The following LUC7L2 variants were observed in gnomAD, a reference collection of about 807,000 sequenced individuals.
The protein encoded by LUC7L2 is putative RNA-binding protein Luc7-like 2.
In LUC7L2, 25 loss-of-function variants were observed where a neutral mutation model predicts 52.8. The ratio of observed to expected loss-of-function variants is 0.47; its 90% confidence interval spans 0.34 to 0.66. The LOEUF is 0.66. LUC7L2 is among the 30% of genes least tolerant of loss of function. LUC7L2 has a pLI of 0.01. For missense variants in LUC7L2, 328 were observed against 497.8 expected, an observed-to-expected ratio of 0.66 and a Z score of 3.25; for synonymous variants, 144 against 160.9, an observed-to-expected ratio of 0.89 and a Z score of 0.80.
intron 9 of LUC7L2, among the ~76,000 whole-genome samples, chr7:139,419,129 AC>A (rs1795764887): frequency 2.6e-5 from 3 of 116,394 alleles, no homozygotes; most frequent in Admixed American, 2.3e-4. Context: ...AAAAAAACAA[AC>A]AAAAAAAAAA....
chr7:139,401,217 A>G (rs941240162), intron 3 of LUC7L2, among the ~76,000 whole-genome samples: 14 of 65,760 alleles, frequency 2.1e-4, no homozygotes, highest in African/African-American at 8.3e-4. Flanking sequence ...TCTTGTCTCA[A>G]AAAAAAAAAT....
intron 1 of LUC7L2, among the ~76,000 whole-genome samples, chr7:139,342,017 T>C (rs1214464047): frequency 6.6e-6 from 1 of 152,214 alleles, no homozygotes. Context: ...GGAAACTTGC[T>C]GCCCTTGAGC....
chr7:139,373,342 A>G (rs1306507067), intron 1 of LUC7L2, among the ~76,000 whole-genome samples: 3 of 152,168 alleles, frequency 2.0e-5, no homozygotes, highest in African/African-American at 4.8e-5. Context: ...GTCAGTTGCT[A>G]TTCTCTCTCA....
At chr7:139,353,662 A>G (rs1212697636) in intron 1 of LUC7L2, among the ~76,000 whole-genome samples, 1 of 151,956 alleles carries the variant, frequency 6.6e-6, no homozygotes, top group Non-Finnish European at 1.5e-5. Context: ...GCGTGGTGGC[A>G]GGCTCCTGTA....
chr7:139,342,598 G>C (rs1005255642), intron 1 of LUC7L2, among the ~76,000 whole-genome samples: 4 of 152,168 alleles, frequency 2.6e-5, no homozygotes, highest in African/African-American at 7.2e-5. Flanking sequence ...GAGTAGTACA[G>C]GCAGGCGACA....
At chr7:139,398,819 A>G in intron 3 of LUC7L2, 122 bp downstream of exon 3, 3 of 778,218 alleles carry the variant, frequency 3.9e-6, no homozygotes, top group African/African-American at 1.8e-5. Context: ...ATGAAGGGTA[A>G]GACTCAAGTA....
At chr7:139,360,641 T>A (rs1799828681) in intron 1 of LUC7L2, among the ~76,000 whole-genome samples, 1 of 151,998 alleles carries the variant, frequency 6.6e-6, no homozygotes, top group Admixed American at 6.5e-5. Flanking sequence ...GGGGGCCCGT[T>A]TTGTCGCTGG....
chr7:139,341,591 G>A lies in LUC7L2; in HGVS notation c.-26+1074G>A, dbSNP rs913537995. The A allele has an allele frequency of 1.9e-6, 3 of 1,565,424 alleles. No individual in the cohort carries two copies. The African/African-American group carries it at 4.1e-5, about 21-fold the overall frequency. ...GGAAGAGCCGGGTCTGGGCTAGGGTGGGGAGCACGGTGTTTAATTCCTGCA... is the reference window on the plus strand; with the variant it reads ...GGAAGAGCCGGGTCTGGGCTAGGGTAGGGAGCACGGTGTTTAATTCCTGCA... On this transcript the variant is annotated intron_variant, in intron 1 of 10. Transcript: ENST00000541170.
At chr7:139,391,460 A>G (rs1046533474) in intron 2 of LUC7L2, among the ~76,000 whole-genome samples, 3 of 152,224 alleles carry the variant, frequency 2.0e-5, no homozygotes, top group Non-Finnish European at 4.4e-5. Context: ...ATTAATTTAC[A>G]CTTAGCAGTA....
intron 9 of LUC7L2, among the ~76,000 whole-genome samples, chr7:139,420,757 G>T (rs1795864493): frequency 6.6e-6 from 1 of 152,028 alleles, no homozygotes; most frequent in South Asian, 2.1e-4. Context: ...AAAGGCTATG[G>T]ATAGGACTAG....
At chr7:139,361,045 A>G (rs1046926017) in intron 1 of LUC7L2, among the ~76,000 whole-genome samples, 22 of 152,248 alleles carry the variant, frequency 1.4e-4, no homozygotes, top group African/African-American at 5.3e-4. Flanking sequence ...GTACCCAGTG[A>G]AGTAGAATAG....
At chr7:139,411,478 G>A (rs977827731) in intron 7 of LUC7L2, among the ~76,000 whole-genome samples, 7 of 152,056 alleles carry the variant, frequency 4.6e-5, no homozygotes, top group African/African-American at 1.7e-4. Flanking sequence ...ATTTATATTA[G>A]TATCCCTCTT....
intron 1 of LUC7L2, among the ~76,000 whole-genome samples, chr7:139,350,890 G>A (rs963151027): frequency 2.6e-5 from 4 of 152,008 alleles, no homozygotes; most frequent in East Asian, 1.9e-4. Context: ...TGGCCAGGCT[G>A]GTCTCCGACT....
intron 1 of LUC7L2, among the ~76,000 whole-genome samples, chr7:139,368,598 TGTG>T (rs1292283123): frequency 6.6e-6 from 1 of 151,866 alleles, no homozygotes; most frequent in East Asian, 1.9e-4. Context: ...ATTAGCCAGA[TGTG>T]GTGGTGGGTG....
chr7:139,374,306 C>T, intron 1 of LUC7L2: 6 of 873,748 alleles, frequency 6.9e-6, no homozygotes, highest in Non-Finnish European at 9.0e-6. Flanking sequence ...AGAATCTTTA[C>T]AGTCAACATG....
chr7:139,352,165 C>T (rs1023641091), intron 1 of LUC7L2, among the ~76,000 whole-genome samples: 2 of 152,054 alleles, frequency 1.3e-5, no homozygotes, highest in African/African-American at 4.8e-5. Context: ...CACTGCTCTC[C>T]AGCCTGGGCG....
In LUC7L2 at chr7:139,405,733, C is replaced by A. The variant is rs267601312; in HGVS notation, c.456C>A (p.Ser152=). Residue 152 remains serine (S), a synonymous_variant, in exon 5 of 10, where the codon TCC becomes TCA. Transcript: ENST00000354926. ...QLGAEGNVEE[S]QKVMDEVEKA... ...GAGCTGAAGGGAATGTGGAGGAATC[C>A]CAGAAAGTAATGGATGAAGTAGAGA... 3 of 1,611,136 alleles carry A rather than the reference C, an allele frequency of 1.9e-6. No homozygotes were observed. The highest frequency in any genetic ancestry group is 2.5e-6 in the Non-Finnish European group (3 of 1,178,834).
intron 1 of LUC7L2, among the ~76,000 whole-genome samples, chr7:139,370,945 C>CT (rs1800419419): frequency 6.6e-6 from 1 of 152,172 alleles, no homozygotes; most frequent in African/African-American, 2.4e-5. Context: ...GGAAAACAAG[C>CT]TTTAAGCTTT....
At chr7:139,402,002 G>A (rs1794937438) in intron 3 of LUC7L2, 135 bp from the exon 4 acceptor site, 12 of 871,592 alleles carry the variant, frequency 1.4e-5, no homozygotes, top group Non-Finnish European at 3.3e-6. Flanking sequence ...GCCTCCTAAA[G>A]TGCTCAATTA....
Sources: gnomAD v4.1 joint callset for allele counts (sites outside exome capture counted in the v4.1 genomes callset) on GRCh38, gnomAD v4.1.1 for gene constraint, MANE v1.5 for transcripts, NCBI Gene and HGNC (gene_info 2026-07-23, HGNC 2026-07-21) for gene names.